The following UGT1A9 variants were observed in gnomAD, a reference collection of about 807,000 sequenced individuals.
UGT1A9 encodes UDP glucuronosyltransferase family 1 member A9.
UGT1A9 carries 35 observed loss-of-function variants against 45.0 expected under a neutral mutation model. The ratio of observed to expected loss-of-function variants is 0.78; its 90% CI spans 0.59 to 1.03. The LOEUF (loss-of-function observed/expected upper bound fraction) is 1.03, where lower values mean the gene tolerates loss of function less well. UGT1A9 is among the 50% of genes least tolerant of loss of function. The pLI is 0.00. For missense variants in UGT1A9, 687 were observed against 666.6 expected (o/e 1.03, Z -0.34); for synonymous variants, 278 against 250.6 (o/e 1.11, Z -1.03).
intron 1 of UGT1A9, chr2:233,760,975 T>A: frequency 6.2e-7 from 1 of 1,614,220 alleles, no homozygotes; most frequent in Non-Finnish European, 8.5e-7. Context: ...TTATTCCCCG[T>A]ATGCAACCCT....
chr2:233,767,208 G>A (rs1699334912), intron 2 of UGT1A9, 43 bp downstream of exon 2: 1 of 1,612,972 alleles, frequency 6.2e-7, no homozygotes, highest in Non-Finnish European at 8.5e-7. Context: ...ATTTTCACAG[G>A]AGCGCTAATC....
At chr2:233,755,919 G>T (rs1439576672) in intron 1 of UGT1A9, 1 of 148,990 alleles carries the variant, frequency 6.7e-6, no homozygotes, top group Non-Finnish European at 1.5e-5. Context: ...GAGAAGAGTG[G>T]CATCGTTTTA....
chr2:233,750,221 T>C (rs1694392480), intron 1 of UGT1A9, among the ~76,000 whole-genome samples: 1 of 151,858 alleles, frequency 6.6e-6, no homozygotes, highest in Non-Finnish European at 1.5e-5. Context: ...CAGATGGAGA[T>C]GAGGAACTTA....
intron 1 of UGT1A9, among the ~76,000 whole-genome samples, chr2:233,677,188 AT>A: frequency 6.6e-6 from 1 of 152,142 alleles, no homozygotes; most frequent in Non-Finnish European, 1.5e-5. Flanking sequence ...ATATCTTTTT[AT>A]TTAGGTCCGT....
chr2:233,768,319 G>T lies in UGT1A9; in HGVS notation c.1175G>T (p.Gly392Val), dbSNP rs367897068. 5.0e-6 allele frequency: 8 copies of T among 1,614,044 alleles called. No homozygotes were observed. Among genetic ancestry groups the T allele is most frequent in the South Asian group, 1.1e-5 (1 of 91,084 alleles). The change falls in exon 4 of 5, where the codon GGT becomes GTT. Residue 392 changes from glycine to valine, a missense_variant. Gly to Val is a moderately radical substitution (Grantham distance 109, BLOSUM62 -3). Transcript: ENST00000354728. The stretch of plus-strand genomic sequence containing the variant: ...CCCATGGTGATGATGCCCTTGTTTG[G>T]TGATCAGATGGACAATGCAAAGCGC... ...GVPMVMMPLFGDQMDNAKRME... is the reference protein window; with the variant it reads ...GVPMVMMPLFVDQMDNAKRME...
At chr2:233,766,879 G>A (rs1237814699) in intron 1 of UGT1A9, among the ~76,000 whole-genome samples, 155 bp from the exon 2 acceptor site, 1 of 152,170 alleles carries the variant, frequency 6.6e-6, no homozygotes, top group Non-Finnish European at 1.5e-5. Context: ...GGAAAATGCT[G>A]TAAAACTTAC....
At chr2:233,722,848 T>C (rs1217979615) in intron 1 of UGT1A9, among the ~76,000 whole-genome samples, 1 of 128,186 alleles carries the variant, frequency 7.8e-6, no homozygotes, top group Non-Finnish European at 1.7e-5. Flanking sequence ...AATGTTTCTT[T>C]TTTTTTTTTT....
At chr2:233,712,069 T>A (rs1263403804) in intron 1 of UGT1A9, among the ~76,000 whole-genome samples, 1 of 152,192 alleles carries the variant, frequency 6.6e-6, no homozygotes, top group Non-Finnish European at 1.5e-5. Flanking sequence ...ATCTTCAGGA[T>A]GAAATAAAGG....
chr2:233,707,032 A>T (rs949515079), intron 1 of UGT1A9, among the ~76,000 whole-genome samples: 1 of 152,108 alleles, frequency 6.6e-6, no homozygotes, highest in Non-Finnish European at 1.5e-5. Context: ...CCAGCCCCCA[A>T]GGTAGAGGAA....
chr2:233,723,031 G>A (rs925471070), intron 1 of UGT1A9, among the ~76,000 whole-genome samples: 9 of 143,556 alleles, frequency 6.3e-5, no homozygotes, highest in Admixed American at 1.4e-4. Context: ...AAGGGCCAGC[G>A]GGAGAGGCAG....
At position 233,713,670 on chromosome 2, in the gene UGT1A9, G is replaced by T. The variant is rs200994534; in HGVS notation, c.855+40881G>T. On this transcript the variant is annotated intron_variant, in intron 1 of 4. Transcript: ENST00000354728. ...GGCCCTGTCCTACCTTTGCCATGCT[G>T]TTTCTGCTCCTTATGCAAGCCTTGC... 1.7e-4 allele frequency: 280 copies of T among 1,613,946 alleles called. 1 individual carries two copies. The highest frequency in any genetic ancestry group is 2.1e-4 in the Non-Finnish European group (247 of 1,179,872).
intron 4 of UGT1A9, chr2:233,770,251 G>A (rs1382246266): frequency 6.6e-6 from 1 of 152,150 alleles, no homozygotes; most frequent in Non-Finnish European, 1.5e-5. Flanking sequence ...CCAACACTCT[G>A]AGCTGGGGAT....
intron 1 of UGT1A9, among the ~76,000 whole-genome samples, chr2:233,737,451 G>T (rs1349834753): frequency 6.6e-6 from 1 of 152,156 alleles, no homozygotes. Context: ...GTTTTTCCAG[G>T]TACAGTCTGT....
chr2:233,750,536 C>T (rs1250970148), intron 1 of UGT1A9: 1 of 151,960 alleles, frequency 6.6e-6, no homozygotes, highest in Non-Finnish European at 1.5e-5. Flanking sequence ...AAAATGGCTT[C>T]AGTGCACATC....
chr2:233,755,067 T>C (rs1054820279), intron 1 of UGT1A9: 7 of 1,335,636 alleles, frequency 5.2e-6, no homozygotes, highest in Non-Finnish European at 7.0e-6. Flanking sequence ...CGCCTCGCCA[T>C]AGCGGTCATA....
At chr2:233,729,678 C>G (rs748966468) in intron 1 of UGT1A9, 1 of 1,613,812 alleles carries the variant, frequency 6.2e-7, no homozygotes, top group Non-Finnish European at 8.5e-7. Flanking sequence ...ACTTTAAGGG[C>G]ACACAGTGTC....
intron 1 of UGT1A9, 105 bp from the exon 2 acceptor site, chr2:233,766,928 CT>C: frequency 6.3e-7 from 1 of 1,578,028 alleles, no homozygotes; most frequent in Non-Finnish European, 8.6e-7. Flanking sequence ...ACACGCATGC[CT>C]TTAATCATAG....
chr2:233,697,431 T>C (rs2075390196), intron 1 of UGT1A9, among the ~76,000 whole-genome samples: 1 of 152,048 alleles, frequency 6.6e-6, no homozygotes, highest in African/African-American at 2.4e-5. Flanking sequence ...TGTTTCCTTT[T>C]TCATTTCTGA....
intron 1 of UGT1A9, among the ~76,000 whole-genome samples, chr2:233,725,945 T>C (rs1167076950): frequency 1.3e-5 from 2 of 152,170 alleles, no homozygotes; most frequent in Non-Finnish European, 2.9e-5. Flanking sequence ...GCAGGAGGAT[T>C]GTTTGAGCCC....
Sources: gnomAD v4.1 joint callset for allele counts (sites outside exome capture counted in the v4.1 genomes callset) on GRCh38, gnomAD v4.1.1 for gene constraint, MANE v1.5 for transcripts, NCBI Gene and HGNC (gene_info 2026-07-23, HGNC 2026-07-21) for gene names.